The following CSMD1 variants were observed in gnomAD, a reference collection of about 807,000 sequenced individuals.
The protein encoded by CSMD1 is CUB and sushi domain-containing protein 1.
Under a neutral mutation model 417.5 loss-of-function variants are expected in CSMD1, and 213 were observed. The ratio of observed to expected loss-of-function variants is 0.51; its 90% CI spans 0.46 to 0.57. The LOEUF (loss-of-function observed/expected upper bound fraction) is 0.57, where lower values mean the gene tolerates loss of function less well. Among genes scored for constraint, CSMD1 ranks in the 20% least tolerant of loss-of-function variants. CSMD1 has a pLI of 0.00. For synonymous variants in CSMD1, 2,862 were observed against 1,736.8 expected, an observed-to-expected ratio of 1.65 and a Z score of -16.11; for missense variants, 6,923 against 4,529.7, an observed-to-expected ratio of 1.53 and a Z score of -15.17.
chr8:3,505,698 C>T (rs1448847650), intron 10 of CSMD1, among the ~76,000 whole-genome samples: 2 of 152,138 alleles, frequency 1.3e-5, no homozygotes, highest in African/African-American at 4.8e-5. Flanking sequence ...ACTGGACCAA[C>T]AACACTATGA....
At chr8:4,600,036 C>G (rs997966209) in intron 2 of CSMD1, among the ~76,000 whole-genome samples, 2 of 152,152 alleles carry the variant, frequency 1.3e-5, no homozygotes, top group East Asian at 3.9e-4. Context: ...CAGAACAGAT[C>G]AGTAGGTACC....
intron 3 of CSMD1, among the ~76,000 whole-genome samples, chr8:4,204,939 T>C (rs947164817): frequency 2.0e-5 from 3 of 152,152 alleles, no homozygotes; most frequent in Non-Finnish European, 2.9e-5. Flanking sequence ...GGATTACAAA[T>C]GTGAGCCACT....
intron 2 of CSMD1, among the ~76,000 whole-genome samples, chr8:4,592,671 G>C (rs113511702): frequency 0.024 from 3,581 of 152,264 alleles, 66 homozygotes; most frequent in Non-Finnish European, 0.036. Flanking sequence ...ACCAGCGTGA[G>C]CCACTGTACC....
At chr8:3,999,053 T>G (rs1299439669) in intron 4 of CSMD1, among the ~76,000 whole-genome samples, 1 of 150,240 alleles carries the variant, frequency 6.7e-6, no homozygotes. Context: ...ATAGCTATGT[T>G]ATATATATAA....
At chr8:3,422,542 AACAGAAG>A (rs1813560034) in intron 12 of CSMD1, among the ~76,000 whole-genome samples, 3 of 152,210 alleles carry the variant, frequency 2.0e-5, no homozygotes, top group Admixed American at 2.0e-4. Flanking sequence ...GTAAGACACA[AACAGAAG>A]ACAGAAGACA....
intron 5 of CSMD1, among the ~76,000 whole-genome samples, chr8:3,951,986 T>A (rs77041021): frequency 1.3e-5 from 2 of 152,210 alleles, no homozygotes; most frequent in African/African-American, 4.8e-5. Context: ...TTTCCCTGAT[T>A]ACACTTGGAA....
chr8:4,199,652 C>G (rs1799538683), intron 3 of CSMD1, among the ~76,000 whole-genome samples: 1 of 152,146 alleles, frequency 6.6e-6, no homozygotes, highest in Non-Finnish European at 1.5e-5. Context: ...TCAACCCAAG[C>G]TCAGTGTATG....
intron 1 of CSMD1, among the ~76,000 whole-genome samples, chr8:4,821,628 A>T (rs1400198951): frequency 6.6e-6 from 1 of 152,022 alleles, no homozygotes; most frequent in Non-Finnish European, 1.5e-5. Flanking sequence ...AAAAATAGGG[A>T]AGTTTACTTC....
chr8:3,237,083 T>C (rs747738921), intron 26 of CSMD1, among the ~76,000 whole-genome samples: 20 of 151,978 alleles, frequency 1.3e-4, no homozygotes, highest in South Asian at 2.1e-4. Context: ...AACAGCAGGA[T>C]TGACAACGTG....
chr8:4,104,690 C>T (rs982585087), intron 3 of CSMD1, among the ~76,000 whole-genome samples: 1 of 152,136 alleles, frequency 6.6e-6, no homozygotes, highest in African/African-American at 2.4e-5. Flanking sequence ...CAGTTCCAGG[C>T]GGTTTCACAC....
At chr8:3,480,942 G>C (rs1164846589) in intron 11 of CSMD1, among the ~76,000 whole-genome samples, 2 of 151,940 alleles carry the variant, frequency 1.3e-5, no homozygotes, top group Non-Finnish European at 2.9e-5. Context: ...GGATCACAAG[G>C]TCAGGAGATC....
intron 3 of CSMD1, among the ~76,000 whole-genome samples, chr8:4,296,062 C>A (rs1797664736): frequency 6.6e-6 from 1 of 151,900 alleles, no homozygotes; most frequent in East Asian, 1.9e-4. Flanking sequence ...CTGAAGGAGC[C>A]CTTAAAATGA....
chr8:3,745,327 G>C (rs769867039), intron 6 of CSMD1, among the ~76,000 whole-genome samples: 2 of 152,150 alleles, frequency 1.3e-5, no homozygotes, highest in African/African-American at 2.4e-5. Flanking sequence ...AACCTGGTTG[G>C]AATCTCATGA....
At chr8:4,744,672 G>A (rs966064807) in intron 1 of CSMD1, among the ~76,000 whole-genome samples, 2 of 152,004 alleles carry the variant, frequency 1.3e-5, no homozygotes, top group Admixed American at 6.6e-5. Flanking sequence ...CCAGTCTCTG[G>A]ACCTTGTCAG....
intron 12 of CSMD1, among the ~76,000 whole-genome samples, chr8:3,434,580 T>C (rs1814425601): frequency 6.6e-6 from 1 of 152,218 alleles, no homozygotes. Context: ...ATTTAGATTA[T>C]ATTACTTCTC....
Position 3,794,558 on chromosome 8 carries a change from T to C in CSMD1, c.819-40516A>G, listed in dbSNP as rs1005467315. ...AGTATTTAATACAACTTTCCTGCCA[T>C]CAAAGTGCTAGTAACCCATTGGTTT... On this transcript the variant is annotated intron_variant, in intron 5 of 69. Transcript: ENST00000635120. Among the ~76,000 whole-genome samples, 9 of 152,158 alleles carry C rather than the reference T, an allele frequency of 5.9e-5. 1 individual carries two copies. Among genetic ancestry groups the C allele is most frequent in the African/African-American group, 2.2e-4 (9 of 41,436 alleles).
intron 1 of CSMD1, among the ~76,000 whole-genome samples, chr8:4,684,593 G>A (rs1050055052): frequency 3.3e-5 from 5 of 152,102 alleles, no homozygotes; most frequent in Non-Finnish European, 7.3e-5. Flanking sequence ...GGCCCTGTTA[G>A]CCTGTCTGAA....
chr8:4,655,280 A>G (rs1486094384), intron 1 of CSMD1, among the ~76,000 whole-genome samples: 1 of 152,086 alleles, frequency 6.6e-6, no homozygotes, highest in Admixed American at 6.5e-5. Context: ...GGTCACTGCC[A>G]TGCTGCTATC....
At chr8:3,207,343 T>C (rs112242326) in intron 30 of CSMD1, among the ~76,000 whole-genome samples, 26,159 of 149,890 alleles carry the variant, frequency 0.17, 2,400 homozygotes, top group South Asian at 0.31. Context: ...TTAATAGATA[T>C]GATGTTGGTC....
Sources: gnomAD v4.1 joint callset for allele counts (sites outside exome capture counted in the v4.1 genomes callset) on GRCh38, gnomAD v4.1.1 for gene constraint, MANE v1.5 for transcripts, NCBI Gene and HGNC (gene_info 2026-07-23, HGNC 2026-07-21) for gene names.